The following NFE2L1 variants were observed in gnomAD, a reference collection of about 807,000 sequenced individuals.
The protein encoded by NFE2L1 is endoplasmic reticulum membrane sensor NFE2L1.
NFE2L1 carries 18 observed loss-of-function variants against 61.6 expected under a neutral mutation model. The ratio of observed to expected loss-of-function variants is 0.29; its 90% CI spans 0.20 to 0.43. The LOEUF is 0.43. Ranked by LOEUF, NFE2L1 falls within the 20% of genes least tolerant of loss-of-function variation. NFE2L1 has a pLI of 1.00. For missense variants in NFE2L1, 827 were observed against 973.5 expected, an observed-to-expected ratio of 0.85 and a Z score of 2.00; for synonymous variants, 419 against 402.7, an observed-to-expected ratio of 1.04 and a Z score of -0.48.
chr17:48,059,521 C>G lies in NFE2L1; in HGVS notation c.2199C>G (p.Tyr733Ter). 6.2e-7 allele frequency: 1 copy of G among 1,613,952 alleles called. No individual in the cohort carries two copies. The highest frequency in any genetic ancestry group is 8.5e-7 in the Non-Finnish European group (1 of 1,179,898). The stretch of plus-strand genomic sequence containing the variant: ...TGCGAGATGAGAACGGACGACCCTA[C>G]TCGCCCAGTCAGTATGCGCTCCAGT... ...GRLRDENGRP[Y>*]SPSQYALQYA... The change falls in exon 6 of 6, where the codon TAC becomes TAG. Residue 733 changes from tyrosine (Y) to a stop codon, truncating the protein, a stop_gained. Transcript: ENST00000362042. LOFTEE classifies it high-confidence loss of function. The surrounding 1 kb of genome is among the most constrained non-coding windows in gnomAD (Gnocchi z 6.1).
intron 2 of NFE2L1, 105 bp downstream of exon 2, chr17:48,051,733 T>G: frequency 7.2e-7 from 1 of 1,395,090 alleles, no homozygotes; most frequent in Non-Finnish European, 9.7e-7. Flanking sequence ...CAGACAGGTT[T>G]CAGCAGGGCC....
In NFE2L1 at chr17:48,058,290, C is replaced by T; in HGVS notation, c.973-5C>T. ...GTGAACAGTGGTGCTCTTCTCCCCT[C>T]CCAGGCCATGGAAGTGAACACATCA... is the stretch of plus-strand genomic sequence containing the variant. On this transcript the variant is annotated splice_region_variant and splice_polypyrimidine_tract_variant and intron_variant, in intron 5 of 5. Coordinates refer to ENST00000362042, the MANE Select transcript of NFE2L1 (RefSeq NM_003204.3). 1 of 1,561,276 alleles carries T rather than the reference C, an allele frequency of 6.4e-7. No homozygotes were observed. Among genetic ancestry groups the T allele is most frequent in the African/African-American group, 1.4e-5 (1 of 73,902 alleles).
At chr17:48,057,603 T>A (rs2037436379) in intron 5 of NFE2L1, 101 bp downstream of exon 5, 1 of 1,423,798 alleles carries the variant, frequency 7.0e-7, no homozygotes, top group Admixed American at 2.2e-5. Flanking sequence ...TGTAATACTT[T>A]CCCTGAATCA....
Position 48,051,065 on chromosome 17 carries a change from G to A in NFE2L1, c.-54G>A, listed in dbSNP as rs1034143809. Reference sequence around the variant, plus strand: ...AGCGGCAGAGCAGTGGCCTTGATTTGTCTTTTGGAAGATTTTAAAAACCAA... The same window carrying A: ...AGCGGCAGAGCAGTGGCCTTGATTTATCTTTTGGAAGATTTTAAAAACCAA... On this transcript the variant is annotated 5_prime_UTR_variant, in exon 2 of 6. Coordinates refer to ENST00000362042, the MANE Select transcript of NFE2L1 (RefSeq NM_003204.3). The A allele has an allele frequency of 1.9e-6, 3 of 1,611,146 alleles. No individual in the cohort carries two copies. The African/African-American group carries it at 4.0e-5, about 22-fold the overall frequency.
Position 48,051,906 on chromosome 17 carries a change from G to A in NFE2L1, c.510+278G>A, listed in dbSNP as rs570002488. ...GGGTGTTTACTGCTTGGATTTCAGC[G>A]TGACTGCTGGAGGCCTGGGGTGGGG... On this transcript the variant is annotated intron_variant, in intron 2 of 5. Transcript: ENST00000362042. Among the ~76,000 whole-genome samples, 39 of 152,222 alleles carry A rather than the reference G, an allele frequency of 2.6e-4. No homozygotes were observed. In the South Asian group the frequency reaches 4.2e-3, roughly 16 times the overall value.
chr17:48,054,720 C>T, intron 2 of NFE2L1: 2 of 1,292,494 alleles, frequency 1.5e-6, no homozygotes, highest in East Asian at 3.1e-5. Flanking sequence ...AGCTTGAGCA[C>T]GGAGCATGGG....
At chr17:48,055,039 C>G in intron 2 of NFE2L1, 1 of 1,516,666 alleles carries the variant, frequency 6.6e-7, no homozygotes, top group Non-Finnish European at 8.8e-7. Context: ...TGGACCGCAG[C>G]TCTCACAGTG....
chr17:48,054,685 C>A (rs1264659516), intron 2 of NFE2L1: 3 of 1,289,986 alleles, frequency 2.3e-6, no homozygotes, highest in Admixed American at 8.0e-5. Flanking sequence ...AGGATAGGCC[C>A]AGGAGGGAGC....
At position 48,057,363 on chromosome 17, in the gene NFE2L1, G is replaced by T. The variant is rs1313084881; in HGVS notation, c.833G>T (p.Ser278Ile). 1.9e-6 allele frequency: 3 copies of T among 1,613,846 alleles called. No individual in the cohort carries two copies. ...ENAEFPADIS[S>I]ITEAVPSESE... is the part of the protein sequence containing the mutation. ...CCCTAGTTTCCAGCAGACATTTCCA[G>T]CATAACAGAAGCAGTGCCTAGTGAG... is the stretch of plus-strand genomic sequence containing the variant. Residue 278 changes from serine (S) to isoleucine (I), a missense_variant, in exon 5 of 6, where the codon AGC becomes ATC. Around this residue, in one of 3 missense-constraint regions of NFE2L1, gnomAD observed 667 missense variants for 748.4 expected, o/e 0.89. Transcript: ENST00000362042.
chr17:48,051,352 C>T lies in NFE2L1; in HGVS notation c.234C>T (p.Phe78=), dbSNP rs374596514. 4 of 1,614,048 alleles carry T rather than the reference C, an allele frequency of 2.5e-6. No homozygotes were observed. The highest frequency in any genetic ancestry group is 3.4e-6 in the Non-Finnish European group (4 of 1,180,038). Residue 78 remains phenylalanine (F), a synonymous_variant, in exon 2 of 6, where the codon TTC becomes TTT. Coordinates refer to ENST00000362042, the MANE Select transcript of NFE2L1 (RefSeq NM_003204.3). ...AGAGCATAGACCTGGACAATTACTT[C>T]ACTGCCCGGCGGCTCCTCAGTCAGG... ...HPKSIDLDNY[F]TARRLLSQVR...
chr17:48,056,633 G>A, intron 3 of NFE2L1, 35 bp downstream of exon 3: 2 of 1,607,208 alleles, frequency 1.2e-6, no homozygotes, highest in Non-Finnish European at 1.7e-6. Flanking sequence ...CTCTCTTCTT[G>A]TCCCTACTAC....
rs544927488 is a variant in NFE2L1, at chr17:48,055,269, C to T, written c.511-1117C>T. On this transcript the variant is annotated intron_variant, in intron 2 of 5. Transcript: ENST00000362042. ...AGGAGGGTCTGATCTAAGGAAATTGCTTTCTGGAAAGTGTATGTCTGCATT... is the reference window on the plus strand; with the variant it reads ...AGGAGGGTCTGATCTAAGGAAATTGTTTTCTGGAAAGTGTATGTCTGCATT... 13 of 1,167,330 alleles carry T rather than the reference C, an allele frequency of 1.1e-5. No homozygotes were observed. The East Asian group carries it at 3.5e-4, about 32-fold the overall frequency. The allele number at this position is 1,167,330 out of a possible 1,614,324, so 72.3% of individuals were successfully genotyped here. A position where few individuals can be genotyped will look rare whatever the true frequency, so the allele number is the denominator to read the frequency against.
At chr17:48,054,700 T>G in intron 2 of NFE2L1, 1 of 1,291,814 alleles carries the variant, frequency 7.7e-7, no homozygotes, top group Non-Finnish European at 9.8e-7. Flanking sequence ...GGGAGCTTGC[T>G]TTCCTCTGCA....
chr17:48,051,675 G>C, intron 2 of NFE2L1, 47 bp downstream of exon 2: 1 of 1,564,530 alleles, frequency 6.4e-7, no homozygotes. Flanking sequence ...CTTGGGGGTG[G>C]GCTGGTCCCA....
chr17:48,052,764 G>C (rs2037286903), intron 2 of NFE2L1, among the ~76,000 whole-genome samples: 1 of 152,156 alleles, frequency 6.6e-6, no homozygotes, highest in Non-Finnish European at 1.5e-5. Context: ...GGGCGGGGTT[G>C]CTACTGGCAC....
chr17:48,054,653 G>A, intron 2 of NFE2L1: 1 of 1,262,932 alleles, frequency 7.9e-7, no homozygotes, highest in Non-Finnish European at 1.0e-6. Context: ...CAAGTTTGGG[G>A]GGCGTGGGGG....
At position 48,059,694 on chromosome 17, in the gene NFE2L1, C is replaced by A; in HGVS notation, c.*53C>A. ...CACCAAGACCGAAACTGGAGAAGGG[C>A]TGGACCTGGACCTGGACCTGGACCT... On this transcript the variant is annotated 3_prime_UTR_variant, in exon 6 of 6. Coordinates refer to ENST00000362042, the MANE Select transcript of NFE2L1 (RefSeq NM_003204.3). This position sits in a 1 kb window ranked among gnomAD's most constrained non-coding sequence, Gnocchi z 6.1. The A allele has an allele frequency of 8.3e-7, 1 of 1,205,490 alleles. No individual in the cohort carries two copies. The highest frequency in any genetic ancestry group is 1.7e-5 in the South Asian group (1 of 58,102). 74.7% of individuals were successfully genotyped at this position (1,205,490 alleles called of 1,614,324 possible).
At position 48,058,519 on chromosome 17, in the gene NFE2L1, C is replaced by G; in HGVS notation, c.1197C>G (p.Ser399Arg). The G allele has an allele frequency of 6.2e-7, 1 of 1,613,132 alleles. No individual in the cohort carries two copies. The highest frequency in any genetic ancestry group is 8.5e-7 in the Non-Finnish European group (1 of 1,179,398). ...CCACGCTGCTCCCGTTGGCCCCCAG[C>G]AATTCTACCAGCCTCAACTCCACCT... The part of the protein sequence containing the change: ...SSSTLLPLAP[S>R]NSTSLNSTFG... The change falls in exon 6 of 6, where the codon AGC becomes AGG. Residue 399 changes from serine (S) to arginine (R), a missense_variant. Ser to Arg is a moderately radical substitution (Grantham distance 110). This residue lies in a region of NFE2L1 where 667 missense variants were observed against 748.4 expected (regional missense o/e 0.89). Coordinates refer to ENST00000362042, the MANE Select transcript of NFE2L1 (RefSeq NM_003204.3).
Position 48,059,354 on chromosome 17 carries a change from AC to A in NFE2L1, c.2034del (p.Ile679SerfsTer2). The A allele has an allele frequency of 6.2e-7, 1 of 1,614,206 alleles. No individual in the cohort carries two copies. The highest frequency in any genetic ancestry group is 1.1e-5 in the South Asian group (1 of 91,078). On this transcript the variant is annotated frameshift_variant, in exon 6 of 6. Transcript: ENST00000362042. LOFTEE classifies it high-confidence loss of function. This position sits in a 1 kb window ranked among gnomAD's most constrained non-coding sequence, Gnocchi z 6.1. ...GAACTGCCGCAAGCGCAAGCTGGAC[AC>A]CATCCTGAATCTGGAGCGTGATGTG... ...AQNCRKRKLD[T>X]ILNLERDVED...
Sources: allele counts gnomAD v4.1 joint callset (sites outside exome capture counted in the v4.1 genomes callset), GRCh38; gene constraint gnomAD v4.1.1; regional missense constraint gnomAD v4.1.1; non-coding constraint Gnocchi (gnomAD v3.1); transcripts MANE v1.5; gene names NCBI Gene and HGNC (gene_info 2026-07-23, HGNC 2026-07-21).